Variants in AK7 observed in about 807,000 individuals in gnomAD.
The protein encoded by AK7 is adenylate kinase 7.
In AK7, 78 loss-of-function variants were observed where a neutral mutation model predicts 96.6. The observed-to-expected ratio is 0.81, with a 90% CI of 0.67 to 0.97. The LOEUF (loss-of-function observed/expected upper bound fraction) is 0.97. AK7 is among the 50% of genes least tolerant of loss of function. The pLI is 0.00. For synonymous variants in AK7, 302 were observed against 317.2 expected (o/e 0.95, Z 0.51); for missense variants, 855 against 887.9 (o/e 0.96, Z 0.47).
At chr14:96,470,264 G>A (rs766501632) in intron 12 of AK7, among the ~76,000 whole-genome samples, 1 of 151,934 alleles carries the variant, frequency 6.6e-6, no homozygotes, top group African/African-American at 2.4e-5. Flanking sequence ...AGAAGGATGA[G>A]GAGGGAGAGG....
intron 1 of AK7, among the ~76,000 whole-genome samples, chr14:96,392,724 C>T (rs1468366324): frequency 5.3e-5 from 8 of 151,972 alleles, no homozygotes; most frequent in South Asian, 2.1e-4. Flanking sequence ...AGTGCAGTGG[C>T]GCGATCTCGG....
chr14:96,470,138 A>G (rs1387619166), intron 12 of AK7, among the ~76,000 whole-genome samples: 1 of 151,888 alleles, frequency 6.6e-6, no homozygotes, highest in Non-Finnish European at 1.5e-5. Context: ...TTTTAATTAG[A>G]TCAGTTTATT....
intron 10 of AK7, among the ~76,000 whole-genome samples, chr14:96,454,105 C>T (rs1392237211): frequency 6.6e-6 from 1 of 152,200 alleles, no homozygotes; most frequent in African/African-American, 2.4e-5. Flanking sequence ...CGCTGCTAGC[C>T]AGAACCATCC....
At chr14:96,419,900 T>C (rs1891578462) in intron 4 of AK7, among the ~76,000 whole-genome samples, 1 of 150,020 alleles carries the variant, frequency 6.7e-6, no homozygotes, top group Non-Finnish European at 1.5e-5. Context: ...GCAATTCTCC[T>C]GCCTCAGCCT....
At chr14:96,440,538 C>A (rs1428002081) in intron 6 of AK7, among the ~76,000 whole-genome samples, 3 of 152,194 alleles carry the variant, frequency 2.0e-5, no homozygotes, top group African/African-American at 7.2e-5. Context: ...GGTCCAGCTG[C>A]CTACTCAGCA....
intron 8 of AK7, 22 bp downstream of exon 8, chr14:96,446,629 C>T (rs1387576963): frequency 1.2e-6 from 2 of 1,602,782 alleles, no homozygotes; most frequent in African/African-American, 1.3e-5. Context: ...TCATCCCATA[C>T]TTTGATGACA....
In AK7 at chr14:96,483,054, A is replaced by G; in HGVS notation, c.1809A>G (p.Lys603=). ...GACTTGCTATCAAACAGCTCATCAA[A>G]GAGATTGGGGAGCCTCGAAATTATG... ...QNRLAIKQLI[K]EIGEPRNYGL... Residue 603 remains lysine (K), a synonymous_variant, in exon 16 of 18, where the codon AAA becomes AAG. Transcript: ENST00000267584. The G allele has an allele frequency of 6.2e-7, 1 of 1,614,206 alleles. No individual in the cohort carries two copies. Among genetic ancestry groups the G allele is most frequent in the Non-Finnish European group, 8.5e-7 (1 of 1,180,030 alleles).
At chr14:96,477,086 A>G (rs187467960) in intron 14 of AK7, among the ~76,000 whole-genome samples, 2 of 152,358 alleles carry the variant, frequency 1.3e-5, no homozygotes, top group Admixed American at 1.3e-4. Context: ...CACTCATGAA[A>G]ATCATGACAA....
In AK7 at chr14:96,464,540, G is replaced by C. The variant is rs1163354920; in HGVS notation, c.1357+6328G>C. On this transcript the variant is annotated intron_variant, in intron 12 of 17. Coordinates refer to ENST00000267584, the MANE Select transcript of AK7 (RefSeq NM_152327.5). ...AGCCTGGGTGACAGAGCAAGACCCTGTCCCAAAAAAAAAAAAAAAAAAAAA... is the reference window on the plus strand; with the variant it reads ...AGCCTGGGTGACAGAGCAAGACCCTCTCCCAAAAAAAAAAAAAAAAAAAAA... 4.1e-4 allele frequency among the ~76,000 whole-genome samples: 26 copies of C among 62,758 alleles called. No individual in the cohort carries two copies. The East Asian group carries it at 0.014, about 34-fold the overall frequency. The allele number at this position is 62,758 out of a possible 152,430, so 41.2% of individuals were successfully genotyped here.
intron 3 of AK7, among the ~76,000 whole-genome samples, chr14:96,405,921 T>C (rs1890684186): frequency 6.6e-6 from 1 of 152,226 alleles, no homozygotes; most frequent in Non-Finnish European, 1.5e-5. Flanking sequence ...TTTTTTGTTT[T>C]GAGACAAGAT....
chr14:96,448,629 CTAAAA>C (rs1800423586), intron 8 of AK7, among the ~76,000 whole-genome samples: 2 of 61,048 alleles, frequency 3.3e-5, no homozygotes, highest in South Asian at 6.9e-4. Context: ...GACCCTATCT[CTAAAA>C]AAAAAAAAAA....
At chr14:96,437,993 T>G in intron 6 of AK7, 78 bp downstream of exon 6, 1 of 1,349,022 alleles carries the variant, frequency 7.4e-7, no homozygotes, top group African/African-American at 1.4e-5. Flanking sequence ...TGTTTTTGAT[T>G]GCTTTGGGTG....
At chr14:96,402,622 C>T (rs1264220397) in intron 2 of AK7, among the ~76,000 whole-genome samples, 1 of 152,152 alleles carries the variant, frequency 6.6e-6, no homozygotes, top group African/African-American at 2.4e-5. Flanking sequence ...TTCCCACTGT[C>T]ATGCTACTGG....
At chr14:96,469,461 G>A (rs1226551550) in intron 12 of AK7, among the ~76,000 whole-genome samples, 1 of 152,104 alleles carries the variant, frequency 6.6e-6, no homozygotes, top group Non-Finnish European at 1.5e-5. Context: ...GGAGACAGAG[G>A]TTGCAGTGAG....
Position 96,462,072 on chromosome 14 carries a change from C to T in AK7, c.1357+3860C>T, listed in dbSNP as rs142011294. Reference sequence around the variant, plus strand: ...AACACTCACTGAGGCCCCCAGGCTCCAGAGGGCCTGTCCTCTCACTCTGTT... The same window carrying T: ...AACACTCACTGAGGCCCCCAGGCTCTAGAGGGCCTGTCCTCTCACTCTGTT... On this transcript the variant is annotated intron_variant, in intron 12 of 17. Coordinates refer to ENST00000267584, the MANE Select transcript of AK7 (RefSeq NM_152327.5). 9.9e-5 allele frequency among the ~76,000 whole-genome samples: 15 copies of T among 152,254 alleles called. No homozygotes were observed. In the East Asian group the frequency reaches 2.9e-3, roughly 29 times the overall value.
At chr14:96,421,036 C>A in intron 5 of AK7, 104 bp downstream of exon 5, 1 of 747,324 alleles carries the variant, frequency 1.3e-6, no homozygotes, top group South Asian at 1.8e-5. Flanking sequence ...TTTAGGCTCA[C>A]CCCAGGATAC....
intron 15 of AK7, among the ~76,000 whole-genome samples, chr14:96,481,190 C>T (rs1895484651): frequency 6.6e-6 from 1 of 152,182 alleles, no homozygotes; most frequent in South Asian, 2.1e-4. Flanking sequence ...TGCCCCACCC[C>T]AGTCTAATCA....
chr14:96,460,941 A>G (rs1172411419), intron 12 of AK7, among the ~76,000 whole-genome samples: 1 of 152,088 alleles, frequency 6.6e-6, no homozygotes, highest in Admixed American at 6.6e-5. Context: ...GTTTTCTGGG[A>G]TGGAGGAGGT....
intron 5 of AK7, chr14:96,423,848 A>T (rs1344188987): frequency 1.2e-6 from 1 of 821,720 alleles, no homozygotes; most frequent in Non-Finnish European, 2.1e-6. Context: ...GTTGCTGAGG[A>T]TGGGCTCGTC....
Sources: allele counts gnomAD v4.1 joint callset (sites outside exome capture counted in the v4.1 genomes callset), GRCh38; gene constraint gnomAD v4.1.1; transcripts MANE v1.5; gene names NCBI Gene and HGNC (gene_info 2026-07-23, HGNC 2026-07-21).